The following CLDN10 variants were observed in gnomAD, a reference collection of about 807,000 sequenced individuals.
CLDN10 encodes claudin 10.
Under a neutral mutation model 22.9 loss-of-function variants are expected in CLDN10, and 15 were observed. The observed-to-expected ratio is 0.65, with a 90% CI of 0.44 to 1.01. The LOEUF (loss-of-function observed/expected upper bound fraction) is 1.01, where lower values mean the gene tolerates loss of function less well. Among genes scored for constraint, CLDN10 ranks in the 50% least tolerant of loss-of-function variants. CLDN10 has a pLI of 0.00. For synonymous variants in CLDN10, 114 were observed against 111.4 expected, an observed-to-expected ratio of 1.02 and a Z score of -0.15; for missense variants, 247 against 287.8, an observed-to-expected ratio of 0.86 and a Z score of 1.03.
At chr13:95,441,356 C>A (rs116891845) in intron 1 of CLDN10, among the ~76,000 whole-genome samples, 1 of 152,224 alleles carries the variant, frequency 6.6e-6, no homozygotes, top group Non-Finnish European at 1.5e-5. Context: ...GCAATCCTCC[C>A]ATCTCATCGT....
At chr13:95,560,331 A>T (rs1566337964) in intron 2 of CLDN10, 38 bp downstream of exon 2, 1 of 1,613,296 alleles carries the variant, frequency 6.2e-7, no homozygotes, top group East Asian at 2.2e-5. Flanking sequence ...GTACTTGATG[A>T]TGTTAATGAA....
intron 1 of CLDN10, among the ~76,000 whole-genome samples, chr13:95,539,713 CT>C (rs577818824): frequency 7.2e-5 from 11 of 152,024 alleles, no homozygotes; most frequent in South Asian, 2.1e-4. Context: ...TTACATATTC[CT>C]TTTTTTTAGA....
At chr13:95,563,325 G>T (rs1466458131) in intron 3 of CLDN10, among the ~76,000 whole-genome samples, 1 of 152,024 alleles carries the variant, frequency 6.6e-6, no homozygotes, top group Non-Finnish European at 1.5e-5. Context: ...ATTCTGTATA[G>T]TATGTAAGAT....
At chr13:95,491,979 G>C (rs557055067) in intron 1 of CLDN10, among the ~76,000 whole-genome samples, 1 of 152,184 alleles carries the variant, frequency 6.6e-6, no homozygotes. Flanking sequence ...CTCCAGGCTG[G>C]TACTGGAGGT....
chr13:95,534,530 C>A (rs533126784), intron 1 of CLDN10, among the ~76,000 whole-genome samples: 2 of 151,534 alleles, frequency 1.3e-5, no homozygotes, highest in African/African-American at 4.8e-5. Flanking sequence ...TATATCAAAC[C>A]GTTAAAAATT....
At chr13:95,449,630 G>A (rs781529345) in intron 1 of CLDN10, among the ~76,000 whole-genome samples, 2 of 151,952 alleles carry the variant, frequency 1.3e-5, no homozygotes, top group Admixed American at 6.6e-5. Context: ...GCAGTGGTGT[G>A]ATCATAGCTC....
chr13:95,532,776 C>G (rs1391557665), intron 1 of CLDN10, among the ~76,000 whole-genome samples: 1 of 92,912 alleles, frequency 1.1e-5, no homozygotes, highest in Non-Finnish European at 2.0e-5. Context: ...GCTTCAGATA[C>G]TGGAACTCAA....
intron 1 of CLDN10, among the ~76,000 whole-genome samples, chr13:95,510,187 T>C (rs771497721): frequency 3.9e-5 from 6 of 152,244 alleles, no homozygotes; most frequent in Admixed American, 1.3e-4. Flanking sequence ...CACCCTGGAA[T>C]GATAGCGAGA....
chr13:95,444,508 A>C (rs920511213), intron 1 of CLDN10, among the ~76,000 whole-genome samples: 2 of 152,198 alleles, frequency 1.3e-5, no homozygotes, highest in Non-Finnish European at 2.9e-5. Flanking sequence ...TGTTGGGAGT[A>C]AAGCAACCAT....
intron 1 of CLDN10, among the ~76,000 whole-genome samples, chr13:95,484,405 T>C (rs918044558): frequency 1.1e-4 from 16 of 152,208 alleles, no homozygotes; most frequent in African/African-American, 3.9e-4. Flanking sequence ...TCCTAAACAC[T>C]ACTTCCCTAA....
chr13:95,459,434 C>T (rs12854826), intron 1 of CLDN10, among the ~76,000 whole-genome samples: 45,603 of 152,174 alleles, frequency 0.3, 8,423 homozygotes, highest in Non-Finnish European at 0.41. Context: ...CATACATCCT[C>T]TGAAATCTAG....
chr13:95,560,885 G>T, intron 3 of CLDN10: 1 of 180,846 alleles, frequency 5.5e-6, no homozygotes. Flanking sequence ...TTTTAAATTT[G>T]CTGTATTAAC....
intron 1 of CLDN10, among the ~76,000 whole-genome samples, chr13:95,449,470 C>T (rs191899102): frequency 4.7e-4 from 71 of 151,822 alleles, no homozygotes; most frequent in African/African-American, 1.6e-3. Context: ...AGACTGGTCT[C>T]GAACTCCTGA....
chr13:95,444,801 G>C (rs1443883187), intron 1 of CLDN10, among the ~76,000 whole-genome samples: 1 of 152,086 alleles, frequency 6.6e-6, no homozygotes, highest in Non-Finnish European at 1.5e-5. Context: ...TTTTGTTGTT[G>C]GTGGTGGTGT....
intron 1 of CLDN10, among the ~76,000 whole-genome samples, chr13:95,464,668 T>C (rs1241728282): frequency 6.6e-6 from 1 of 152,162 alleles, no homozygotes; most frequent in Non-Finnish European, 1.5e-5. Context: ...ATGTTGTTCA[T>C]GATGACAAGG....
intron 1 of CLDN10, among the ~76,000 whole-genome samples, chr13:95,467,150 T>C (rs1286598794): frequency 6.6e-6 from 1 of 151,760 alleles, no homozygotes; most frequent in African/African-American, 2.4e-5. Context: ...GTGCTGGGAT[T>C]ACAGGTGTGA....
intron 1 of CLDN10, among the ~76,000 whole-genome samples, chr13:95,512,121 C>CTTTCTTTTTTTT (rs2043108825): frequency 9.5e-5 from 1 of 10,492 alleles, no homozygotes; most frequent in Non-Finnish European, 2.4e-4. Context: ...ATCGTCTCTC[C>CTTTCTTTTTTTT]TTTTTTTTTG....
At chr13:95,546,487 G>A (rs2043510835) in intron 1 of CLDN10, among the ~76,000 whole-genome samples, 1 of 152,090 alleles carries the variant, frequency 6.6e-6, no homozygotes, top group South Asian at 2.1e-4. Context: ...ATAGAAATAA[G>A]AGAATGCCTA....
chr13:95,493,130 C>G (rs2138519449), intron 1 of CLDN10, among the ~76,000 whole-genome samples: 1 of 152,172 alleles, frequency 6.6e-6, no homozygotes, highest in African/African-American at 2.4e-5. Context: ...TATTCTCCAG[C>G]TGAGGGTAAG....
Sources: gnomAD v4.1 joint callset for allele counts (sites outside exome capture counted in the v4.1 genomes callset) on GRCh38, gnomAD v4.1.1 for gene constraint, MANE v1.5 for transcripts, NCBI Gene and HGNC (gene_info 2026-07-23, HGNC 2026-07-21) for gene names.